PGAP2: variants seen among roughly 807,000 people sequenced by gnomAD.
PGAP2 encodes post-GPI attachment to proteins 2.
PGAP2 carries 21 observed loss-of-function variants against 33.2 expected under a neutral mutation model. The observed-to-expected ratio is 0.63, with a 90% CI of 0.45 to 0.91. PGAP2 has a LOEUF of 0.91. PGAP2 is among the 40% of genes least tolerant of loss of function. The pLI is 0.00. For synonymous variants in PGAP2, 161 were observed against 172.9 expected (o/e 0.93, Z 0.54); for missense variants, 345 against 424.0 (o/e 0.81, Z 1.64).
At position 3,825,383 on chromosome 11, in the gene PGAP2, C is replaced by A; in HGVS notation, c.873C>A (p.Phe291Leu). The change falls in exon 7 of 7, where the codon TTC becomes TTA. Residue 291 changes from phenylalanine to leucine, a missense_variant. Phe to Leu is a conservative substitution (Grantham distance 22, BLOSUM62 0). Transcript: ENST00000278243. Reference protein sequence around the residue: ...EYTVVLTNMAFHMTAWWDFGN... With the variant: ...EYTVVLTNMALHMTAWWDFGN... ...CTGTTGTCTTAACCAACATGGCGTT[C>A]CACATGACGGCCTGGTGGGACTTCG... 2 of 1,613,890 alleles carry A rather than the reference C, an allele frequency of 1.2e-6. No homozygotes were observed. The highest frequency in any genetic ancestry group is 1.1e-5 in the South Asian group (1 of 91,068).
At chr11:3,797,945 G>C (rs1449436396) in exon 1 of PGAP2, 1 of 1,548,326 alleles carries the variant, frequency 6.5e-7, no homozygotes. Context: ...GGCTGAGGGA[G>C]CTCGGGCCAA....
At chr11:3,823,131 G>C in intron 3 of PGAP2, 1 of 546,116 alleles carries the variant, frequency 1.8e-6, no homozygotes, top group South Asian at 2.6e-5. Context: ...CCGCTTCCCA[G>C]GTTCACACAG....
chr11:3,824,729 C>T, intron 5 of PGAP2: 1 of 1,230,242 alleles, frequency 8.1e-7, no homozygotes, highest in Non-Finnish European at 1.1e-6. Flanking sequence ...TTTCTTTTCC[C>T]CCACAGTATT....
At chr11:3,808,456 G>T (rs532445068), upstream of PGAP2, 1 of 1,499,590 alleles carries the variant, frequency 6.7e-7, no homozygotes, top group African/African-American at 1.4e-5. Context: ...TTGAGGAGGA[G>T]AGCCAGGGGT....
At position 3,797,924 on chromosome 11, in the gene PGAP2, GCC is replaced by G. The variant is rs755017795; in HGVS notation, c.82_83del (p.Pro28AlafsTer20). ...GAGACTCCGCCCCCTTCCTTGGAGC[GCC>G]GCGACTCGGGCTGAGGGAGCTCGGG... On this transcript the variant is annotated frameshift_variant, in exon 1 of 7. Coordinates refer to the PGAP2 transcript ENST00000300730. LOFTEE classifies it high-confidence loss of function. 6.5e-7 allele frequency: 1 copy of G among 1,547,664 alleles called. No homozygotes were observed. Among genetic ancestry groups the G allele is most frequent in the South Asian group, 1.2e-5 (1 of 83,936 alleles).
chr11:3,813,877 C>T (rs758747272), intron 2 of PGAP2, among the ~76,000 whole-genome samples: 18 of 152,286 alleles, frequency 1.2e-4, no homozygotes, highest in Non-Finnish European at 2.4e-4. Context: ...ACCCTATTAG[C>T]TAGGTTATTG....
intron 2 of PGAP2, among the ~76,000 whole-genome samples, chr11:3,817,096 C>T (rs192311187): frequency 1.1e-3 from 172 of 152,298 alleles, no homozygotes; most frequent in Middle Eastern, 0.01. Context: ...CTTCTGTAGG[C>T]TCTTCAAGAG....
chr11:3,798,652 T>TTTTTG (rs2082962446), intron 1 of PGAP2, among the ~76,000 whole-genome samples: 1 of 97,564 alleles, frequency 1.0e-5, no homozygotes, highest in African/African-American at 4.2e-5. Context: ...TTTTTTTTTT[T>TTTTTG]GAGATGGAGT....
upstream of PGAP2, chr11:3,797,788 CG>C: frequency 6.5e-7 from 1 of 1,540,956 alleles, no homozygotes; most frequent in Non-Finnish European, 8.8e-7. Flanking sequence ...CTCGCCGCCG[CG>C]GTTGGCGGGA....
intron 1 of PGAP2, chr11:3,798,032 G>A (rs1466288500): frequency 1.3e-6 from 2 of 1,535,764 alleles, no homozygotes; most frequent in Admixed American, 4.3e-5. Flanking sequence ...CTGCTGGGAA[G>A]GCTTCCTAGT....
chr11:3,808,488 G>A, upstream of PGAP2: 1 of 1,417,196 alleles, frequency 7.1e-7, no homozygotes, highest in Non-Finnish European at 9.2e-7. Flanking sequence ...GAAGCGGGGA[G>A]GAGCCAGCGG....
intron 1 of PGAP2, among the ~76,000 whole-genome samples, chr11:3,801,041 G>C (rs10835113): frequency 6.7e-6 from 1 of 149,580 alleles, no homozygotes. Flanking sequence ...GGCTGAGGCA[G>C]GAGAATTGCT....
At chr11:3,820,553 G>A (rs1403247329) in intron 3 of PGAP2, among the ~76,000 whole-genome samples, 4 of 152,098 alleles carry the variant, frequency 2.6e-5, no homozygotes, top group South Asian at 2.1e-4. Flanking sequence ...CCAGCTACTC[G>A]GGAGACTGAG....
chr11:3,800,776 C>T (rs1348327915), intron 1 of PGAP2, among the ~76,000 whole-genome samples: 2 of 140,440 alleles, frequency 1.4e-5, no homozygotes, highest in Admixed American at 7.4e-5. Context: ...CGAGCCACTG[C>T]ACTCGATCCT....
upstream of PGAP2, chr11:3,808,399 G>C: frequency 6.5e-7 from 1 of 1,548,576 alleles, no homozygotes. Context: ...GCCGAAATTA[G>C]TGGGGGCAGA....
rs559872012 is a variant in PGAP2, at chr11:3,824,313, C to G, written c.645C>G (p.Leu215=). 66 of 1,614,226 alleles carry G rather than the reference C, an allele frequency of 4.1e-5. No individual in the cohort carries two copies. The highest frequency in any genetic ancestry group is 1.3e-4 in the East Asian group (6 of 44,884). Reference sequence around the variant, plus strand: ...TCATTGTGTTCATTGCCTCATCCCTCGGGCACATGCTCCTCACCTGCATTC... The same window carrying G: ...TCATTGTGTTCATTGCCTCATCCCTGGGGCACATGCTCCTCACCTGCATTC... The part of the protein sequence containing the change: ...NAFIVFIASS[L]GHMLLTCILW... Residue 215 remains leucine (L), a synonymous_variant, in exon 5 of 7, where the codon CTC becomes CTG. Coordinates refer to ENST00000278243, the MANE Select transcript of PGAP2 (RefSeq NM_014489.4).
chr11:3,808,824 GC>G (rs1412243132), intron 1 of PGAP2, among the ~76,000 whole-genome samples, 173 bp downstream of exon 1: 2 of 152,220 alleles, frequency 1.3e-5, no homozygotes, highest in Non-Finnish European at 2.9e-5. Context: ...TGCCGAGCTG[GC>G]CCCCTTCTTC....
chr11:3,818,062 TAA>T (rs112928434), intron 3 of PGAP2: 13 of 212,352 alleles, frequency 6.1e-5, no homozygotes, highest in Admixed American at 1.2e-4. Flanking sequence ...CAAAACAAAA[TAA>T]AAAAAAAAAA....
Position 3,815,926 on chromosome 11 carries a change from C to CTTTTG in PGAP2, c.166-1423_166-1422insGTTTT, listed in dbSNP as rs1420001276. 2.6e-5 allele frequency among the ~76,000 whole-genome samples: 4 copies of CTTTTG among 152,180 alleles called. No homozygotes were observed. The South Asian group carries it at 6.2e-4, about 24-fold the overall frequency. On this transcript the variant is annotated intron_variant, in intron 2 of 6. Transcript: ENST00000278243. ...GCTCTAACAAAAAACGGCCAGACCC[C>CTTTTG]TTTTTGCTTTCTCTCTTTCCCTTAT...
Sources: allele counts gnomAD v4.1 joint callset (sites outside exome capture counted in the v4.1 genomes callset), GRCh38; gene constraint gnomAD v4.1.1; transcripts MANE v1.5; gene names NCBI Gene and HGNC (gene_info 2026-07-23, HGNC 2026-07-21).